Variants in ABLIM1 observed in about 807,000 individuals in gnomAD.
The protein encoded by ABLIM1 is actin-binding LIM protein 1.
A neutral mutation model predicts 107.0 loss-of-function variants in ABLIM1; 40 were observed. The ratio of observed to expected loss-of-function variants is 0.37; its 90% CI spans 0.29 to 0.49. The LOEUF is 0.49. Among genes scored for constraint, ABLIM1 ranks in the 20% least tolerant of loss-of-function variants. ABLIM1 has a pLI of 0.97. For synonymous variants in ABLIM1, 357 were observed against 357.3 expected, an observed-to-expected ratio of 1.00 and a Z score of 0.01; for missense variants, 857 against 1,008.5, an observed-to-expected ratio of 0.85 and a Z score of 2.04.
intron 1 of ABLIM1, among the ~76,000 whole-genome samples, chr10:114,630,305 T>C (rs1027881198): frequency 6.6e-6 from 1 of 152,150 alleles, no homozygotes; most frequent in Non-Finnish European, 1.5e-5. Context: ...TGCCATGTCA[T>C]AGTTGGGTGG....
intron 2 of ABLIM1, among the ~76,000 whole-genome samples, chr10:114,581,456 ACCC>A (rs1465784052): frequency 6.6e-6 from 1 of 152,166 alleles, no homozygotes; most frequent in African/African-American, 2.4e-5. Flanking sequence ...CTAAAACTCT[ACCC>A]AATGGTGGGT....
chr10:114,444,611 A>T (rs557860446), intron 16 of ABLIM1, among the ~76,000 whole-genome samples: 197 of 152,302 alleles, frequency 1.3e-3, no homozygotes, highest in Admixed American at 2.2e-3. Flanking sequence ...AAATAACACT[A>T]TCTTTTGATT....
intron 1 of ABLIM1, chr10:114,632,139 C>T (rs1357185826): frequency 1.0e-6 from 1 of 985,290 alleles, no homozygotes; most frequent in Non-Finnish European, 1.2e-6. Context: ...CTTCTCCGCC[C>T]GCCCGCCGAG....
At chr10:114,671,439 G>A (rs2080249139) in intron 1 of ABLIM1, among the ~76,000 whole-genome samples, 2 of 152,194 alleles carry the variant, frequency 1.3e-5, no homozygotes, top group South Asian at 4.1e-4. Context: ...TGCTATAGAT[G>A]TATAGTGTAT....
intron 1 of ABLIM1, chr10:114,631,807 C>A: frequency 8.1e-7 from 1 of 1,240,130 alleles, no homozygotes. Flanking sequence ...CATGTCCGCC[C>A]GGCTTTCGAT....
chr10:114,504,659 AG>A (rs1469320551), intron 6 of ABLIM1, among the ~76,000 whole-genome samples: 1 of 152,162 alleles, frequency 6.6e-6, no homozygotes, highest in Non-Finnish European at 1.5e-5. Flanking sequence ...ACGTGTTATA[AG>A]GGCTACCCCA....
rs184163698 is a variant in ABLIM1 at position 114,738,242 on chromosome 10, G to T, written c.-213+29819C>A. On this transcript the variant is annotated intron_variant, in intron 1 of 15. Coordinates refer to the ABLIM1 transcript ENST00000651092. ...TTTTTGTATTTTTAGTAGAGATGGG[G>T]CTTTGCCATGTTGGCCAGGCTGGTC... Among the ~76,000 whole-genome samples, 101 of 152,232 alleles carry T rather than the reference G, an allele frequency of 6.6e-4. 1 individual carries two copies. In the East Asian group the frequency reaches 0.013, roughly 20 times the overall value.
chr10:114,670,880 TC>T (rs1458936927), intron 1 of ABLIM1, among the ~76,000 whole-genome samples: 1 of 152,202 alleles, frequency 6.6e-6, no homozygotes, highest in Non-Finnish European at 1.5e-5. Context: ...TTTGAAACTT[TC>T]CCCCATTTAT....
chr10:114,444,081 G>A lies in ABLIM1; in HGVS notation c.1881C>T (p.Ser627=). 4 of 1,612,404 alleles carry A rather than the reference G, an allele frequency of 2.5e-6. No homozygotes were observed. The highest frequency in any genetic ancestry group is 3.4e-6 in the Non-Finnish European group (4 of 1,179,598). ...TGGCTAACAGAGATGACCTTTCCCG[G>A]CTCTCTTTCTCCATCTCTTCTTTCA... ...LILKEEMEKE[S]RERSSLLASR... is the part of the protein sequence containing the mutation. The change falls in exon 17 of 23, where the codon AGC becomes AGT. Residue 627 remains serine, a synonymous_variant. Coordinates refer to ENST00000533213, the MANE Select transcript of ABLIM1 (RefSeq NM_002313.7).
chr10:114,584,135 A>AAAAAG (rs59128795), intron 2 of ABLIM1, among the ~76,000 whole-genome samples: 2,922 of 149,284 alleles, frequency 0.02, 72 homozygotes, highest in African/African-American at 0.052. Flanking sequence ...AAAATTAAGA[A>AAAAAG]AAAAGAAAAG....
At chr10:114,693,184 G>A (rs991804062) in intron 1 of ABLIM1, among the ~76,000 whole-genome samples, 1 of 152,072 alleles carries the variant, frequency 6.6e-6, no homozygotes, top group Non-Finnish European at 1.5e-5. Context: ...TGCAGCGCGG[G>A]GAAGGCAGAG....
intron 12 of ABLIM1, among the ~76,000 whole-genome samples, chr10:114,457,591 T>C (rs530291726): frequency 1.3e-5 from 2 of 152,288 alleles, no homozygotes; most frequent in African/African-American, 2.4e-5. Context: ...TTAAATGATA[T>C]AACTTTGAAC....
chr10:114,507,436 T>C (rs1185427823), intron 6 of ABLIM1, among the ~76,000 whole-genome samples: 2 of 152,196 alleles, frequency 1.3e-5, no homozygotes, highest in African/African-American at 2.4e-5. Context: ...AAGGCAAGGC[T>C]TACACCTTTG....
intron 1 of ABLIM1, among the ~76,000 whole-genome samples, chr10:114,630,268 C>T (rs1255300677): frequency 6.6e-6 from 1 of 152,158 alleles, no homozygotes; most frequent in East Asian, 1.9e-4. Flanking sequence ...GGGAAACAAA[C>T]TCAAATCCAT....
intron 1 of ABLIM1, among the ~76,000 whole-genome samples, chr10:114,741,041 A>G (rs1444043286): frequency 6.6e-6 from 1 of 151,422 alleles, no homozygotes; most frequent in Non-Finnish European, 1.5e-5. Context: ...TCAAAAAAAA[A>G]AAAGAATAAA....
At chr10:114,610,191 T>C (rs2076712798) in intron 1 of ABLIM1, among the ~76,000 whole-genome samples, 1 of 152,230 alleles carries the variant, frequency 6.6e-6, no homozygotes. Context: ...TCTTCCAGGC[T>C]GCAGCCATTT....
intron 1 of ABLIM1, among the ~76,000 whole-genome samples, chr10:114,630,593 T>G (rs1327190444): frequency 1.3e-5 from 2 of 152,220 alleles, no homozygotes; most frequent in African/African-American, 4.8e-5. Context: ...GGATCCTGTA[T>G]GTCAATCCAT....
intron 1 of ABLIM1, among the ~76,000 whole-genome samples, chr10:114,603,738 G>A (rs1454536153): frequency 2.6e-5 from 4 of 151,804 alleles, no homozygotes; most frequent in African/African-American, 4.8e-5. Context: ...CGGATCACCT[G>A]AGGTCAGGAC....
At chr10:114,640,926 GA>G (rs1331578043) in intron 1 of ABLIM1, among the ~76,000 whole-genome samples, 1 of 152,078 alleles carries the variant, frequency 6.6e-6, no homozygotes, top group Non-Finnish European at 1.5e-5. Flanking sequence ...CACTGGGCCT[GA>G]AAATTATGTA....
Sources: allele counts gnomAD v4.1 joint callset (sites outside exome capture counted in the v4.1 genomes callset), GRCh38; gene constraint gnomAD v4.1.1; transcripts MANE v1.5; gene names NCBI Gene and HGNC (gene_info 2026-07-23, HGNC 2026-07-21).